Variants in RASAL2 observed in about 807,000 individuals in gnomAD.
RASAL2 encodes ras GTPase-activating protein nGAP.
Under a neutral mutation model 128.9 loss-of-function variants are expected in RASAL2, and 58 were observed. That is an observed-to-expected ratio of 0.45 (90% CI 0.36 to 0.56). The LOEUF (loss-of-function observed/expected upper bound fraction) is 0.56, where lower values mean the gene tolerates loss of function less well. Ranked by LOEUF, RASAL2 falls within the 20% of genes least tolerant of loss-of-function variation. RASAL2 has a pLI of 0.00. For missense variants in RASAL2, 1,360 were observed against 1,601.6 expected, an observed-to-expected ratio of 0.85 and a Z score of 2.57; for synonymous variants, 561 against 580.8, an observed-to-expected ratio of 0.97 and a Z score of 0.49.
At chr1:178,173,394 G>A (rs954816822) in intron 1 of RASAL2, among the ~76,000 whole-genome samples, 4 of 152,096 alleles carry the variant, frequency 2.6e-5, no homozygotes, top group African/African-American at 4.8e-5. Context: ...AAACATAAAA[G>A]GCCACCATCA....
At chr1:178,198,964 T>G (rs1190339489) in intron 1 of RASAL2, among the ~76,000 whole-genome samples, 2 of 152,200 alleles carry the variant, frequency 1.3e-5, no homozygotes, top group African/African-American at 2.4e-5. Context: ...TGAGCTGCGG[T>G]GGGCTCCACC....
At chr1:178,149,189 T>C (rs1459684229) in intron 1 of RASAL2, among the ~76,000 whole-genome samples, 1 of 152,194 alleles carries the variant, frequency 6.6e-6, no homozygotes, top group Non-Finnish European at 1.5e-5. Flanking sequence ...ATTAAGCCTT[T>C]TAGAGATTCT....
At chr1:178,120,076 A>G (rs946325105) in intron 1 of RASAL2, among the ~76,000 whole-genome samples, 6 of 152,204 alleles carry the variant, frequency 3.9e-5, no homozygotes, top group African/African-American at 1.4e-4. Flanking sequence ...CTTGATATTC[A>G]CATTTTTTTC....
chr1:178,132,937 T>G (rs1404008375), intron 1 of RASAL2, among the ~76,000 whole-genome samples: 1 of 151,916 alleles, frequency 6.6e-6, no homozygotes, highest in Non-Finnish European at 1.5e-5. Context: ...CCTAGCTAAT[T>G]TTTGTATTTT....
chr1:178,278,483 C>T (rs1444059330), intron 1 of RASAL2, among the ~76,000 whole-genome samples: 6 of 152,174 alleles, frequency 3.9e-5, no homozygotes, highest in African/African-American at 1.4e-4. Context: ...CTTCTTTCTC[C>T]TCTCAATAGG....
At chr1:178,398,708 C>CT (rs1426836305) in intron 4 of RASAL2, among the ~76,000 whole-genome samples, 1 of 152,086 alleles carries the variant, frequency 6.6e-6, no homozygotes, top group Non-Finnish European at 1.5e-5. Flanking sequence ...AAAAAATTTT[C>CT]CCTTGAATTT....
chr1:178,116,632 C>T (rs1166785629), intron 1 of RASAL2, among the ~76,000 whole-genome samples: 2 of 151,666 alleles, frequency 1.3e-5, no homozygotes, highest in African/African-American at 4.8e-5. Flanking sequence ...TTTTTTGAGA[C>T]GGAGTCTTGC....
intron 4 of RASAL2, among the ~76,000 whole-genome samples, chr1:178,396,074 G>A (rs957434686): frequency 6.6e-6 from 1 of 152,020 alleles, no homozygotes; most frequent in Non-Finnish European, 1.5e-5. Flanking sequence ...AAGGGAACAG[G>A]GTGAGAACTG....
intron 1 of RASAL2, among the ~76,000 whole-genome samples, chr1:178,231,209 A>G (rs2102022772): frequency 6.6e-6 from 1 of 151,894 alleles, no homozygotes; most frequent in Admixed American, 6.6e-5. Context: ...GTCACCTGAC[A>G]TGCCTGGTGG....
chr1:178,296,117 A>G (rs7534152), intron 2 of RASAL2, among the ~76,000 whole-genome samples: 9,696 of 108,470 alleles, frequency 0.089, 1,004 homozygotes, highest in African/African-American at 0.36. Context: ...ATATGTGTGT[A>G]TATATATGTG....
intron 3 of RASAL2, among the ~76,000 whole-genome samples, chr1:178,351,289 C>G (rs1318874774): frequency 6.6e-6 from 1 of 152,212 alleles, no homozygotes. Flanking sequence ...GTTCTTCTCA[C>G]ATTTCAAAAT....
At chr1:178,224,702 T>C (rs745638444) in intron 1 of RASAL2, among the ~76,000 whole-genome samples, 24 of 152,104 alleles carry the variant, frequency 1.6e-4, no homozygotes, top group Non-Finnish European at 3.4e-4. Flanking sequence ...TGTATTCTAA[T>C]ACAAAAGAGC....
intron 1 of RASAL2, among the ~76,000 whole-genome samples, chr1:178,167,657 T>C (rs12048698): frequency 0.08 from 12,148 of 152,168 alleles, 549 homozygotes; most frequent in Middle Eastern, 0.13. Flanking sequence ...AAACGATTGA[T>C]TAATATACAA....
At chr1:178,390,018 A>T in intron 3 of RASAL2, 82 bp from the exon 4 acceptor site, 1 of 848,332 alleles carries the variant, frequency 1.2e-6, no homozygotes, top group Non-Finnish European at 1.9e-6. Flanking sequence ...TTTATTGTGA[A>T]AAACCAGTAA....
At chr1:178,439,846 A>T (rs977077032) in intron 6 of RASAL2, among the ~76,000 whole-genome samples, 2 of 152,100 alleles carry the variant, frequency 1.3e-5, no homozygotes, top group African/African-American at 4.8e-5. Flanking sequence ...AGGGGACAAG[A>T]CTAACAATAA....
chr1:178,220,302 TAGGG>T (rs1663571924), intron 1 of RASAL2, among the ~76,000 whole-genome samples: 1 of 151,992 alleles, frequency 6.6e-6, no homozygotes, highest in Non-Finnish European at 1.5e-5. Context: ...TCTCAGCAAA[TAGGG>T]AGGCCCAAGG....
chr1:178,111,255 G>A (rs1448298679), intron 1 of RASAL2, among the ~76,000 whole-genome samples: 1 of 151,990 alleles, frequency 6.6e-6, no homozygotes, highest in Non-Finnish European at 1.5e-5. Flanking sequence ...TAGTCTTTGC[G>A]CACACCACCA....
rs1237118651 is a variant in RASAL2 at position 178,466,094 on chromosome 1, G to C, written c.3562G>C (p.Asp1188His). The change falls in exon 16 of 18, where the codon GAT becomes CAT. Residue 1188 changes from aspartate (D) to histidine (H), a missense_variant. Asp to His is a moderately conservative substitution (Grantham distance 81, BLOSUM62 -1). Around this residue, in one of 3 missense-constraint regions of RASAL2, gnomAD observed 741 missense variants for 868.6 expected, o/e 0.85. Transcript: ENST00000367649. ...GCTCCGAAGACAGCAGGAAGAAAAA[G>C]ATAGCCAGATGAAAAGCATCATCAG... ...ERLRRQQEEK[D>H]SQMKSIISRL... The C allele has an allele frequency of 6.4e-7, 1 of 1,571,834 alleles. No individual in the cohort carries two copies. The highest frequency in any genetic ancestry group is 1.2e-5 in the South Asian group (1 of 85,430).
At chr1:178,202,453 A>G (rs1662905463) in intron 1 of RASAL2, among the ~76,000 whole-genome samples, 1 of 152,230 alleles carries the variant, frequency 6.6e-6, no homozygotes, top group Admixed American at 6.5e-5. Flanking sequence ...GCAGCACTAC[A>G]GCCCCTTTCT....
Sources: allele counts gnomAD v4.1 joint callset (sites outside exome capture counted in the v4.1 genomes callset), GRCh38; gene constraint gnomAD v4.1.1; regional missense constraint gnomAD v4.1.1; transcripts MANE v1.5; gene names NCBI Gene and HGNC (gene_info 2026-07-23, HGNC 2026-07-21).